Variants in ANKIB1 observed in about 807,000 individuals in gnomAD.
ANKIB1 encodes the protein ankyrin repeat and IBR domain-containing protein 1.
Under a neutral mutation model 122.1 loss-of-function variants are expected in ANKIB1, and 43 were observed. The observed-to-expected ratio is 0.35, with a 90% CI of 0.28 to 0.45. ANKIB1 has a LOEUF of 0.45. Ranked by LOEUF, ANKIB1 falls within the 20% of genes least tolerant of loss-of-function variation. The pLI is 1.00. For synonymous variants in ANKIB1, 390 were observed against 442.0 expected, an observed-to-expected ratio of 0.88 and a Z score of 1.48; for missense variants, 992 against 1,329.5, an observed-to-expected ratio of 0.75 and a Z score of 3.95.
intron 7 of ANKIB1, among the ~76,000 whole-genome samples, chr7:92,348,614 G>A (rs1431809250): frequency 2.6e-5 from 4 of 152,096 alleles, no homozygotes; most frequent in African/African-American, 9.7e-5. Context: ...TTGAACCCCT[G>A]ACCTTGTGAT....
chr7:92,323,276 T>G (rs1175954699), intron 4 of ANKIB1, among the ~76,000 whole-genome samples: 3 of 152,202 alleles, frequency 2.0e-5, no homozygotes, highest in Admixed American at 2.0e-4. Flanking sequence ...TTGCTAGCAT[T>G]GAATATTATC....
intron 2 of ANKIB1, among the ~76,000 whole-genome samples, chr7:92,299,129 T>C (rs1022048310): frequency 6.6e-6 from 1 of 152,218 alleles, no homozygotes; most frequent in East Asian, 1.9e-4. Flanking sequence ...TATTTGTTGC[T>C]AATGATAAAA....
Position 92,255,480 on chromosome 7 carries a change from G to A in ANKIB1, c.-91+8961G>A, listed in dbSNP as rs145988524. ...TTTAGTCATCCAGGCTTGTCACCTC[G>A]TGGTCTTCAGATGGCATTCCAGACT... On this transcript the variant is annotated intron_variant, in intron 1 of 19. Transcript: ENST00000265742. Among the ~76,000 whole-genome samples the A allele has an allele frequency of 1.6e-3, 250 of 152,222 alleles. 1 individual carries two copies. The highest frequency in any genetic ancestry group is 5.6e-3 in the African/African-American group (231 of 41,536).
At chr7:92,299,024 A>G (rs1802409944) in intron 2 of ANKIB1, among the ~76,000 whole-genome samples, 1 of 152,246 alleles carries the variant, frequency 6.6e-6, no homozygotes, top group African/African-American at 2.4e-5. Context: ...AACTAGCAAT[A>G]ACAAGAAAAC....
intron 11 of ANKIB1, among the ~76,000 whole-genome samples, chr7:92,375,280 A>G (rs1562796383): frequency 1.3e-5 from 2 of 152,212 alleles, no homozygotes; most frequent in Admixed American, 6.5e-5. Context: ...ATAAGACAAC[A>G]ATGAAATTTG....
intron 7 of ANKIB1, among the ~76,000 whole-genome samples, chr7:92,345,751 T>C (rs1472523799): frequency 2.0e-5 from 3 of 152,180 alleles, no homozygotes; most frequent in Non-Finnish European, 4.4e-5. Flanking sequence ...CTAAGTGAGA[T>C]ATGTCATTGG....
At chr7:92,269,272 A>G (rs1225187845) in intron 1 of ANKIB1, among the ~76,000 whole-genome samples, 1 of 152,230 alleles carries the variant, frequency 6.6e-6, no homozygotes, top group East Asian at 1.9e-4. Context: ...GGTGAGGGCT[A>G]TAGTTGTTCA....
chr7:92,350,246 T>C (rs1562789611), intron 7 of ANKIB1, among the ~76,000 whole-genome samples: 1 of 152,166 alleles, frequency 6.6e-6, no homozygotes, highest in Non-Finnish European at 1.5e-5. Flanking sequence ...TCTTGAATTA[T>C]CTATGGCTCA....
intron 1 of ANKIB1, among the ~76,000 whole-genome samples, chr7:92,261,413 T>C (rs893646334): frequency 2.6e-5 from 4 of 152,168 alleles, no homozygotes; most frequent in Non-Finnish European, 4.4e-5. Context: ...TGTTTTGTTT[T>C]GTTTTGTTTT....
intron 18 of ANKIB1, among the ~76,000 whole-genome samples, chr7:92,397,096 A>G (rs1306012662): frequency 6.6e-6 from 1 of 152,238 alleles, no homozygotes; most frequent in Non-Finnish European, 1.5e-5. Context: ...AGAAATCTAA[A>G]AATGAAAAAC....
intron 3 of ANKIB1, among the ~76,000 whole-genome samples, chr7:92,309,942 A>AAAAAAAAAAAAT (rs1335765681): frequency 5.7e-4 from 52 of 91,774 alleles, no homozygotes; most frequent in African/African-American, 2.5e-3. Flanking sequence ...AAAAAAAAAA[A>AAAAAAAAAAAAT]ATATATATAT....
At chr7:92,340,517 C>T (rs1314888289) in intron 5 of ANKIB1, among the ~76,000 whole-genome samples, 2 of 149,906 alleles carry the variant, frequency 1.3e-5, no homozygotes, top group Non-Finnish European at 3.0e-5. Context: ...ATTGGAATAC[C>T]AAGAAAAAAA....
At chr7:92,253,051 C>T (rs930358175) in intron 1 of ANKIB1, among the ~76,000 whole-genome samples, 9 of 152,138 alleles carry the variant, frequency 5.9e-5, no homozygotes, top group African/African-American at 1.2e-4. Flanking sequence ...TTTGTATACA[C>T]ACACATAGGC....
At chr7:92,395,076 A>G (rs1032580683) in intron 17 of ANKIB1, among the ~76,000 whole-genome samples, 1 of 152,228 alleles carries the variant, frequency 6.6e-6, no homozygotes, top group African/African-American at 2.4e-5. Context: ...TCTCTAAATT[A>G]GCCTTTTTAT....
At chr7:92,369,125 A>G (rs1804171652) in intron 10 of ANKIB1, among the ~76,000 whole-genome samples, 1 of 152,194 alleles carries the variant, frequency 6.6e-6, no homozygotes, top group Admixed American at 6.5e-5. Context: ...TATTATAGCA[A>G]TACCCTTTGT....
chr7:92,335,600 CTT>C (rs1481422629), intron 5 of ANKIB1, among the ~76,000 whole-genome samples: 2 of 151,844 alleles, frequency 1.3e-5, no homozygotes, highest in Admixed American at 6.6e-5. Flanking sequence ...CTTTCTGACT[CTT>C]TTCTCACCAT....
Position 92,390,017 on chromosome 7 carries a change from T to C in ANKIB1, c.1953T>C (p.His651=), listed in dbSNP as rs1457838490. Residue 651 remains histidine (H), a synonymous_variant, in exon 15 of 20, where the codon CAT becomes CAC. Coordinates refer to ENST00000265742, the MANE Select transcript of ANKIB1 (RefSeq NM_019004.2). Reference sequence around the variant, plus strand: ...CCACTTTCATTGAAGATGCAGTTCATGTGCTCTTAAAAACTCGGCGCATTC... The same window carrying C: ...CCACTTTCATTGAAGATGCAGTTCACGTGCTCTTAAAAACTCGGCGCATTC... ...PDTTFIEDAV[H]VLLKTRRILK... The C allele has an allele frequency of 1.2e-6, 2 of 1,607,430 alleles. No individual in the cohort carries two copies. The highest frequency in any genetic ancestry group is 1.7e-6 in the Non-Finnish European group (2 of 1,177,880).
chr7:92,307,749 T>A, intron 3 of ANKIB1, 93 bp downstream of exon 3: 1 of 1,045,164 alleles, frequency 9.6e-7, no homozygotes, highest in Non-Finnish European at 1.3e-6. Context: ...ATTGTCTTAG[T>A]AATTTGGTCA....
chr7:92,316,785 A>G (rs1802801712), intron 3 of ANKIB1, among the ~76,000 whole-genome samples: 1 of 152,158 alleles, frequency 6.6e-6, no homozygotes, highest in East Asian at 1.9e-4. Context: ...TATCCTTTTA[A>G]TAAGGTTCCC....
Sources: allele counts gnomAD v4.1 joint callset (sites outside exome capture counted in the v4.1 genomes callset), GRCh38; gene constraint gnomAD v4.1.1; transcripts MANE v1.5; gene names NCBI Gene and HGNC (gene_info 2026-07-23, HGNC 2026-07-21).